Variants in NALF1 observed in about 807,000 individuals in gnomAD.
The protein encoded by NALF1 is NALCN channel auxiliary factor 1.
In NALF1, 3 loss-of-function variants were observed where a neutral mutation model predicts 48.4. The observed-to-expected ratio is 0.06, with a 90% CI of 0.03 to 0.16. NALF1 has a LOEUF of 0.16. NALF1 is among the 10% of genes least tolerant of loss of function. NALF1 has a pLI of 1.00. For synonymous variants in NALF1, 262 were observed against 245.7 expected, an observed-to-expected ratio of 1.07 and a Z score of -0.62; for missense variants, 526 against 571.5, an observed-to-expected ratio of 0.92 and a Z score of 0.81.
intron 1 of NALF1, among the ~76,000 whole-genome samples, chr13:107,307,179 GA>G (rs1325553935): frequency 2.0e-5 from 3 of 152,182 alleles, no homozygotes; most frequent in Non-Finnish European, 2.9e-5. Flanking sequence ...GCCCACAAGT[GA>G]ATGAAGTGTA....
intron 1 of NALF1, among the ~76,000 whole-genome samples, chr13:107,748,424 C>T (rs1876842590): frequency 6.6e-6 from 1 of 152,108 alleles, no homozygotes; most frequent in African/African-American, 2.4e-5. Context: ...ATGAACTAGT[C>T]TTTATACCAC....
intron 1 of NALF1, among the ~76,000 whole-genome samples, chr13:107,696,072 T>A (rs531500322): frequency 1.3e-5 from 2 of 152,248 alleles, no homozygotes; most frequent in East Asian, 3.9e-4. Flanking sequence ...AATTTTTGTA[T>A]TTTTAGTAGA....
chr13:107,278,000 T>C (rs944264991), intron 1 of NALF1, among the ~76,000 whole-genome samples: 5 of 152,194 alleles, frequency 3.3e-5, no homozygotes, highest in African/African-American at 9.7e-5. Flanking sequence ...AAAAAAATAC[T>C]CGTCAGAAGC....
At chr13:107,306,047 T>C (rs1881930499) in intron 1 of NALF1, among the ~76,000 whole-genome samples, 1 of 152,222 alleles carries the variant, frequency 6.6e-6, no homozygotes. Flanking sequence ...TGTTGATAAC[T>C]ACTGAAGATC....
chr13:107,682,406 C>T lies in NALF1; in HGVS notation c.915+183276G>A, dbSNP rs542332794. On this transcript the variant is annotated intron_variant, in intron 1 of 2. Coordinates refer to ENST00000375915, the MANE Select transcript of NALF1 (RefSeq NM_001080396.3). ...AGGCTCTTCTAGTTCTTCAGACAGG[C>T]AGCACTCTCCCCTCCTTCCTCAGCG... 9.2e-5 allele frequency among the ~76,000 whole-genome samples: 14 copies of T among 152,280 alleles called. 1 individual carries two copies. The highest frequency in any genetic ancestry group is 6.2e-4 in the South Asian group (3 of 4,828).
In NALF1 at chr13:107,169,962, TTTTG is replaced by T. The variant is rs1878761952; in HGVS notation, c.*531_*534del. ...TTAGGGATTTTTTTTATTTTTATTT[TTTTG>T]TTGTTTTCTTTTTTTTGTCTTTTTT... On this transcript the variant is annotated 3_prime_UTR_variant, in exon 3 of 3. Coordinates refer to ENST00000375915, the MANE Select transcript of NALF1 (RefSeq NM_001080396.3). 1 of 152,708 alleles carries T rather than the reference TTTTG, an allele frequency of 6.5e-6. No homozygotes were observed. The highest frequency in any genetic ancestry group is 1.5e-5 in the Non-Finnish European group (1 of 68,126). 9.5% of individuals were successfully genotyped at this position (152,708 alleles called of 1,614,324 possible).
At chr13:107,302,852 A>T (rs1159363792) in intron 1 of NALF1, among the ~76,000 whole-genome samples, 2 of 152,058 alleles carry the variant, frequency 1.3e-5, no homozygotes, top group Non-Finnish European at 2.9e-5. Flanking sequence ...ACTCTCTCAC[A>T]CACACACACA....
intron 1 of NALF1, among the ~76,000 whole-genome samples, chr13:107,475,566 T>C (rs1221580498): frequency 6.6e-6 from 1 of 152,146 alleles, no homozygotes; most frequent in Non-Finnish European, 1.5e-5. Flanking sequence ...GGATGTTAAT[T>C]ACTATAAAGT....
chr13:107,215,917 T>G (rs1476350366), intron 1 of NALF1, among the ~76,000 whole-genome samples: 1 of 152,182 alleles, frequency 6.6e-6, no homozygotes, highest in East Asian at 1.9e-4. Context: ...ATCTCTCTAT[T>G]TTAGAGCAAG....
intron 1 of NALF1, among the ~76,000 whole-genome samples, chr13:107,566,318 T>C (rs538471229): frequency 5.8e-4 from 89 of 152,292 alleles, no homozygotes; most frequent in Non-Finnish European, 1.1e-3. Flanking sequence ...CAATAACTAA[T>C]ATAAACATAA....
chr13:107,705,957 G>A (rs1359849547), intron 1 of NALF1, among the ~76,000 whole-genome samples: 5 of 151,956 alleles, frequency 3.3e-5, no homozygotes, highest in African/African-American at 1.2e-4. Flanking sequence ...GAGAGAGAGA[G>A]AAAGAGATAG....
At chr13:107,465,471 G>C (rs1258625256) in intron 1 of NALF1, among the ~76,000 whole-genome samples, 2 of 151,956 alleles carry the variant, frequency 1.3e-5, no homozygotes, top group African/African-American at 4.8e-5. Flanking sequence ...TCTGTGCTCT[G>C]GGAAAACCTC....
rs753613053 is a variant in NALF1, at chr13:107,170,460, C to G, written c.*37G>C. The G allele has an allele frequency of 1.9e-6, 3 of 1,544,900 alleles. No individual in the cohort carries two copies. The Admixed American group carries it at 5.3e-5, about 27-fold the overall frequency. ...AGACAGCAGTTGCCATTTTTCACGG[C>G]GGGCCAGCTGCTGCTGTGGTGACAC... On this transcript the variant is annotated 3_prime_UTR_variant, in exon 3 of 3. Transcript: ENST00000375915.
At chr13:107,568,575 T>C (rs1457385131) in intron 1 of NALF1, among the ~76,000 whole-genome samples, 1 of 152,230 alleles carries the variant, frequency 6.6e-6, no homozygotes, top group South Asian at 2.1e-4. Flanking sequence ...TAGCACTATA[T>C]GAGAGATCCA....
intron 1 of NALF1, among the ~76,000 whole-genome samples, chr13:107,591,375 G>A (rs1406735156): frequency 3.3e-5 from 5 of 152,116 alleles, no homozygotes; most frequent in African/African-American, 9.6e-5. Context: ...GACTTCTTCA[G>A]AGACTGACTG....
intron 1 of NALF1, among the ~76,000 whole-genome samples, chr13:107,458,673 T>A (rs901707247): frequency 6.6e-6 from 1 of 151,976 alleles, no homozygotes; most frequent in Non-Finnish European, 1.5e-5. Flanking sequence ...AAAGAAGAGC[T>A]GCCTTGATTT....
At chr13:107,780,692 G>A (rs1877863167) in intron 1 of NALF1, among the ~76,000 whole-genome samples, 1 of 152,008 alleles carries the variant, frequency 6.6e-6, no homozygotes, top group African/African-American at 2.4e-5. Flanking sequence ...AGCACTTTGG[G>A]ATGCCGAGGC....
At chr13:107,535,466 C>T (rs1227015951) in intron 1 of NALF1, among the ~76,000 whole-genome samples, 20 of 152,056 alleles carry the variant, frequency 1.3e-4, no homozygotes. Flanking sequence ...TGAGTGAACT[C>T]CCATTCACAA....
intron 1 of NALF1, among the ~76,000 whole-genome samples, chr13:107,764,866 C>A (rs577901330): frequency 4.6e-5 from 7 of 152,120 alleles, no homozygotes; most frequent in Non-Finnish European, 8.8e-5. Flanking sequence ...GCTCTGCAGA[C>A]GGCTGCATTC....
Sources: gnomAD v4.1 joint callset for allele counts (sites outside exome capture counted in the v4.1 genomes callset) on GRCh38, gnomAD v4.1.1 for gene constraint, MANE v1.5 for transcripts, NCBI Gene and HGNC (gene_info 2026-07-23, HGNC 2026-07-21) for gene names.